Variants in PDE10A observed in about 807,000 individuals in gnomAD.
PDE10A encodes cAMP and cAMP-inhibited cGMP 3',5'-cyclic phosphodiesterase 10A.
Under a neutral mutation model 97.7 loss-of-function variants are expected in PDE10A, and 39 were observed. The observed-to-expected ratio is 0.40, with a 90% CI of 0.31 to 0.52. The LOEUF (loss-of-function observed/expected upper bound fraction) is 0.52. Ranked by LOEUF, PDE10A falls within the 20% of genes least tolerant of loss-of-function variation. The pLI is 0.56. For missense variants in PDE10A, 731 were observed against 1,047.8 expected, an observed-to-expected ratio of 0.70 and a Z score of 4.17; for synonymous variants, 371 against 376.8, an observed-to-expected ratio of 0.98 and a Z score of 0.18.
intron 6 of PDE10A, 128 bp downstream of exon 6, chr6:165,435,109 G>C (rs1214093231): frequency 1.1e-6 from 1 of 874,580 alleles, no homozygotes; most frequent in Non-Finnish European, 1.8e-6. Flanking sequence ...TTAATATATT[G>C]ATCTGTAACT....
intron 1 of PDE10A, among the ~76,000 whole-genome samples, chr6:165,585,927 T>C (rs183662502): frequency 6.6e-6 from 1 of 152,286 alleles, no homozygotes; most frequent in East Asian, 1.9e-4. Flanking sequence ...CTCTTGAAGC[T>C]GCTTGCTATG....
At chr6:165,820,319 AAAG>A (rs1225521688) in intron 1 of PDE10A, among the ~76,000 whole-genome samples, 2 of 152,252 alleles carry the variant, frequency 1.3e-5, no homozygotes, top group Non-Finnish European at 2.9e-5. Context: ...TTCCTAAGGA[AAAG>A]AAGAATAGGA....
At chr6:165,932,404 C>T (rs1241564258) in intron 1 of PDE10A, among the ~76,000 whole-genome samples, 3 of 152,028 alleles carry the variant, frequency 2.0e-5, no homozygotes, top group Non-Finnish European at 4.4e-5. Context: ...GGTACAATCA[C>T]AGCTCACTGC....
At chr6:165,679,480 C>T (rs1298781316) in intron 1 of PDE10A, among the ~76,000 whole-genome samples, 1 of 152,196 alleles carries the variant, frequency 6.6e-6, no homozygotes, top group Non-Finnish European at 1.5e-5. Flanking sequence ...CCGCTACCTC[C>T]CAGCCCTTGA....
intron 5 of PDE10A, among the ~76,000 whole-genome samples, chr6:165,447,573 A>G (rs1388034019): frequency 2.0e-5 from 3 of 152,240 alleles, no homozygotes. Context: ...GGCAAACTGT[A>G]GAATATTTTT....
At chr6:165,369,996 G>C (rs1393760215) in intron 18 of PDE10A, among the ~76,000 whole-genome samples, 1 of 115,514 alleles carries the variant, frequency 8.7e-6, no homozygotes, top group East Asian at 2.4e-4. Flanking sequence ...AAAAGTGAAG[G>C]AGAAATAAAA....
At chr6:165,475,687 G>A (rs186974037) in intron 3 of PDE10A, among the ~76,000 whole-genome samples, 1 of 152,124 alleles carries the variant, frequency 6.6e-6, no homozygotes, top group East Asian at 1.9e-4. Flanking sequence ...TCTGCAACAG[G>A]GCCCTGTATT....
At chr6:165,729,129 G>A (rs994987008) in intron 1 of PDE10A, among the ~76,000 whole-genome samples, 2 of 151,558 alleles carry the variant, frequency 1.3e-5, no homozygotes, top group African/African-American at 4.9e-5. Context: ...TTGAGCTCAG[G>A]ATGTTGAGGC....
intron 18 of PDE10A, among the ~76,000 whole-genome samples, chr6:165,369,127 G>GA (rs1354305313): frequency 3.7e-4 from 56 of 151,976 alleles, no homozygotes; most frequent in African/African-American, 1.3e-3. Flanking sequence ...CAAAGATGGG[G>GA]AAAAAACAGA....
At chr6:165,458,800 A>C (rs112044532) in intron 3 of PDE10A, among the ~76,000 whole-genome samples, 1 of 152,180 alleles carries the variant, frequency 6.6e-6, no homozygotes, top group Non-Finnish European at 1.5e-5. Flanking sequence ...ACATTCCCTT[A>C]CAAGTTAAAT....
intron 1 of PDE10A, among the ~76,000 whole-genome samples, chr6:165,703,639 G>C (rs917412714): frequency 6.6e-6 from 1 of 152,240 alleles, no homozygotes; most frequent in Non-Finnish European, 1.5e-5. Flanking sequence ...CTACACATTT[G>C]AATGTTCAGG....
At chr6:165,689,487 G>A (rs1419928559) in intron 1 of PDE10A, among the ~76,000 whole-genome samples, 1 of 152,182 alleles carries the variant, frequency 6.6e-6, no homozygotes, top group Non-Finnish European at 1.5e-5. Flanking sequence ...AAGTGTTTGG[G>A]TCATGGGGAC....
At chr6:165,943,262 G>GAAAGAAA (rs1562809890) in intron 1 of PDE10A, among the ~76,000 whole-genome samples, 16 of 79,624 alleles carry the variant, frequency 2.0e-4, no homozygotes, top group East Asian at 1.0e-3. Flanking sequence ...AAGGAAGGAA[G>GAAAGAAA]GAAGGAAGGA....
chr6:165,461,964 G>A (rs1778353040), intron 3 of PDE10A, among the ~76,000 whole-genome samples: 1 of 152,208 alleles, frequency 6.6e-6, no homozygotes, highest in Non-Finnish European at 1.5e-5. Context: ...CCCTCGTTTG[G>A]GAGACTAGCT....
At chr6:165,691,177 C>G (rs1791277328) in intron 1 of PDE10A, among the ~76,000 whole-genome samples, 1 of 38,566 alleles carries the variant, frequency 2.6e-5, no homozygotes, top group Admixed American at 1.9e-4. Flanking sequence ...TTCTTTCTCT[C>G]TCTCTCTCTC....
At chr6:165,518,069 G>C (rs1452091392) in intron 2 of PDE10A, among the ~76,000 whole-genome samples, 1 of 152,156 alleles carries the variant, frequency 6.6e-6, no homozygotes, top group East Asian at 1.9e-4. Flanking sequence ...CAATTTTAAA[G>C]TTGTCTGATT....
At chr6:165,370,696 C>T (rs1314678574) in intron 18 of PDE10A, among the ~76,000 whole-genome samples, 1 of 146,976 alleles carries the variant, frequency 6.8e-6, no homozygotes, top group East Asian at 2.0e-4. Flanking sequence ...CAAGGATACC[C>T]AGGAATTGAA....
intron 18 of PDE10A, among the ~76,000 whole-genome samples, chr6:165,346,521 A>G (rs913929633): frequency 4.6e-5 from 7 of 152,194 alleles, no homozygotes; most frequent in Non-Finnish European, 1.5e-5. Flanking sequence ...CCAACCTCAA[A>G]GAGGCGGGCA....
At chr6:165,455,584 C>T (rs1044235778) in intron 3 of PDE10A, among the ~76,000 whole-genome samples, 1 of 152,220 alleles carries the variant, frequency 6.6e-6, no homozygotes, top group African/African-American at 2.4e-5. Flanking sequence ...CTAACTGCTA[C>T]TATTAGGCTT....
Sources: allele counts gnomAD v4.1 joint callset (sites outside exome capture counted in the v4.1 genomes callset), GRCh38; gene constraint gnomAD v4.1.1; transcripts MANE v1.5; gene names NCBI Gene and HGNC (gene_info 2026-07-23, HGNC 2026-07-21).